Variants in UGT3A1 observed in about 807,000 individuals in gnomAD.
UGT3A1 encodes the protein UDP glycosyltransferase family 3 member A1.
In UGT3A1, 40 loss-of-function variants were observed where a neutral mutation model predicts 37.6. The observed-to-expected ratio is 1.06, with a 90% CI of 0.83 to 1.38. The LOEUF is 1.38. Ranked by LOEUF, UGT3A1 falls within the 40% of genes most tolerant of loss-of-function variation. The pLI, the probability that UGT3A1 is intolerant of heterozygous loss-of-function variation, is 0.00. For synonymous variants in UGT3A1, 256 were observed against 232.3 expected (o/e 1.10, Z -0.93); for missense variants, 642 against 634.2 (o/e 1.01, Z -0.13).
chr5:35,985,079 T>TAAAAAAAAAAAAAAAAAAAAAAAAA (rs59401195), intron 2 of UGT3A1, among the ~76,000 whole-genome samples: 1 of 116,022 alleles, frequency 8.6e-6, no homozygotes, highest in Non-Finnish European at 1.8e-5. Context: ...ACATAAAATA[T>TAAAAAAAAAAAAAAAAAAAAAAAAA]AAAAAAAAAA....
chr5:35,954,036 T>A lies in UGT3A1; in HGVS notation c.*166A>T, dbSNP rs1739256960. 2 of 743,636 alleles carry A rather than the reference T, an allele frequency of 2.7e-6. No homozygotes were observed. Among genetic ancestry groups the A allele is most frequent in the Non-Finnish European group, 4.3e-6 (2 of 470,020 alleles). The allele number at this position is 743,636 out of a possible 1,614,324, so 46.1% of individuals were successfully genotyped here. A position where few individuals can be genotyped will look rare whatever the true frequency, so the allele number is the denominator to read the frequency against. On this transcript the variant is annotated 3_prime_UTR_variant, in exon 7 of 7. Transcript: ENST00000274278. ...CAAGGGGCAAGTCAAGAAGCCTCAG[T>A]GGTGCGTGAAGATTTCTAAACAGAG... is the stretch of plus-strand genomic sequence containing the variant.
intron 2 of UGT3A1, among the ~76,000 whole-genome samples, chr5:35,973,552 G>T (rs996834157): frequency 2.6e-5 from 4 of 152,148 alleles, no homozygotes; most frequent in African/African-American, 7.2e-5. Context: ...ATCTGTCTTG[G>T]TACCCTGAAA....
chr5:35,968,482 G>A (rs1036185568), intron 2 of UGT3A1, among the ~76,000 whole-genome samples: 14 of 152,148 alleles, frequency 9.2e-5, no homozygotes, highest in African/African-American at 3.4e-4. Context: ...GAGCTGTAGG[G>A]CTTGTGTTTA....
intron 2 of UGT3A1, among the ~76,000 whole-genome samples, chr5:35,987,777 C>T (rs1204338649): frequency 6.6e-6 from 1 of 152,150 alleles, no homozygotes; most frequent in South Asian, 2.1e-4. Context: ...GACCCAGATT[C>T]GCCCAACTCT....
intron 2 of UGT3A1, among the ~76,000 whole-genome samples, chr5:35,988,203 G>T (rs561079059): frequency 6.6e-6 from 1 of 152,194 alleles, no homozygotes; most frequent in African/African-American, 2.4e-5. Context: ...AATGTGTGGA[G>T]AGTTGTCTAG....
Position 35,953,218 on chromosome 5 carries a change from C to T in UGT3A1, c.*984G>A, listed in dbSNP as rs2242225. The stretch of plus-strand genomic sequence containing the variant: ...CTATCAGAGAGGTAGTTTGGTGTTA[C>T]ACTAAGGAAGATAAAAAAGAAAAGA... On this transcript the variant is annotated 3_prime_UTR_variant, in exon 7 of 7. Transcript: ENST00000274278. 0.43 allele frequency: 65,875 copies of T among 152,096 alleles called. 14,777 individuals are homozygous for T. Among genetic ancestry groups the T allele is most frequent in the East Asian group, 0.75 (3,990 of 5,308 alleles). 9.4% of individuals were successfully genotyped at this position (152,096 alleles called of 1,614,324 possible). A position where few individuals can be genotyped will look rare whatever the true frequency, so the allele number is the denominator to read the frequency against.
At chr5:35,986,722 T>G (rs1740743051) in intron 2 of UGT3A1, among the ~76,000 whole-genome samples, 1 of 152,150 alleles carries the variant, frequency 6.6e-6, no homozygotes, top group African/African-American at 2.4e-5. Flanking sequence ...AGTACATATC[T>G]ATAGCTTTAC....
intron 2 of UGT3A1, among the ~76,000 whole-genome samples, chr5:35,970,277 A>C (rs1035055319): frequency 6.6e-6 from 1 of 152,064 alleles, no homozygotes; most frequent in Non-Finnish European, 1.5e-5. Context: ...CTGTAGTCCC[A>C]GCTACTCAGG....
intron 4 of UGT3A1, among the ~76,000 whole-genome samples, chr5:35,964,501 C>G (rs1739717783): frequency 6.6e-6 from 1 of 152,144 alleles, no homozygotes. Flanking sequence ...CCCAACTCTT[C>G]CTGTTTACTC....
chr5:35,965,042 T>C (rs572866557), intron 4 of UGT3A1, among the ~76,000 whole-genome samples: 1 of 152,230 alleles, frequency 6.6e-6, no homozygotes, highest in Non-Finnish European at 1.5e-5. Flanking sequence ...AATTATTGCA[T>C]GTAATGGGCA....
intron 1 of UGT3A1, among the ~76,000 whole-genome samples, chr5:35,990,515 G>A (rs1234295099): frequency 6.6e-6 from 1 of 152,030 alleles, no homozygotes; most frequent in East Asian, 1.9e-4. Flanking sequence ...CCTTAAAAAC[G>A]GTCAGCGGCA....
intron 2 of UGT3A1, among the ~76,000 whole-genome samples, chr5:35,979,162 A>G (rs1376600389): frequency 6.6e-6 from 1 of 151,356 alleles, no homozygotes; most frequent in African/African-American, 2.4e-5. Context: ...GTTTTTCCAC[A>G]GACATGCCCT....
chr5:35,982,230 C>A (rs543615624), intron 2 of UGT3A1, among the ~76,000 whole-genome samples: 4 of 152,360 alleles, frequency 2.6e-5, no homozygotes, highest in Admixed American at 1.3e-4. Context: ...AAAGTCCCCA[C>A]TGGGGCATTG....
intron 2 of UGT3A1, among the ~76,000 whole-genome samples, chr5:35,983,723 G>A (rs1025514982): frequency 3.3e-5 from 5 of 152,180 alleles, no homozygotes; most frequent in African/African-American, 1.2e-4. Context: ...ATTCATCCCA[G>A]GGATGCAAGA....
intron 2 of UGT3A1, among the ~76,000 whole-genome samples, chr5:35,996,834 TA>T (rs1741107714): frequency 6.6e-6 from 1 of 152,174 alleles, no homozygotes; most frequent in East Asian, 1.9e-4. Flanking sequence ...AAGAAAGCAG[TA>T]AAACTCCTTT....
At chr5:35,971,838 G>A (rs1196103585) in intron 2 of UGT3A1, among the ~76,000 whole-genome samples, 1 of 152,144 alleles carries the variant, frequency 6.6e-6, no homozygotes, top group Non-Finnish European at 1.5e-5. Flanking sequence ...CCAAGAGGTG[G>A]GGGCTCCCTT....
At chr5:35,977,500 T>G (rs866834289) in intron 2 of UGT3A1, among the ~76,000 whole-genome samples, 3 of 152,258 alleles carry the variant, frequency 2.0e-5, no homozygotes, top group Middle Eastern at 6.8e-3. Flanking sequence ...GGTAGTGAAT[T>G]CACACAAGAG....
At chr5:35,990,211 C>A (rs12656482) in intron 1 of UGT3A1, among the ~76,000 whole-genome samples, 1 of 151,968 alleles carries the variant, frequency 6.6e-6, no homozygotes, top group Non-Finnish European at 1.5e-5. Context: ...ATTAAGGAGG[C>A]CACATGTGCT....
chr5:35,994,333 T>TGTGTGTG (rs1741042045), upstream of UGT3A1, among the ~76,000 whole-genome samples: 5 of 138,640 alleles, frequency 3.6e-5, no homozygotes, highest in Admixed American at 7.4e-5. Context: ...TTTGTTTTGT[T>TGTGTGTG]TGTGTGTGTG....
Sources: allele counts gnomAD v4.1 joint callset (sites outside exome capture counted in the v4.1 genomes callset), GRCh38; gene constraint gnomAD v4.1.1; transcripts MANE v1.5; gene names NCBI Gene and HGNC (gene_info 2026-07-23, HGNC 2026-07-21).